Variants in CEP85L observed in about 807,000 individuals in gnomAD.
CEP85L encodes the protein centrosomal protein of 85 kDa-like.
In CEP85L, 60 loss-of-function variants were observed where a neutral mutation model predicts 100.3. That is an observed-to-expected ratio of 0.60 (90% CI 0.49 to 0.74). The LOEUF is 0.74. Ranked by LOEUF, CEP85L falls within the 30% of genes least tolerant of loss-of-function variation. The pLI is 0.00. For synonymous variants in CEP85L, 319 were observed against 322.7 expected, an observed-to-expected ratio of 0.99 and a Z score of 0.12; for missense variants, 973 against 936.2, an observed-to-expected ratio of 1.04 and a Z score of -0.51.
chr6:118,545,728 ATT>A (rs1382444277), intron 3 of CEP85L, among the ~76,000 whole-genome samples: 1 of 152,192 alleles, frequency 6.6e-6, no homozygotes, highest in African/African-American at 2.4e-5. Context: ...GTAAAAATAA[ATT>A]TGTAATTATT....
At chr6:118,515,132 A>T (rs1211005180) in intron 4 of CEP85L, among the ~76,000 whole-genome samples, 3 of 152,160 alleles carry the variant, frequency 2.0e-5, no homozygotes, top group Non-Finnish European at 2.9e-5. Flanking sequence ...AGAGCAGAGA[A>T]TATTGCCAGG....
intron 12 of CEP85L, 29 bp from the exon 13 acceptor site, chr6:118,465,597 C>T (rs779467902): frequency 6.3e-7 from 1 of 1,598,654 alleles, no homozygotes. Context: ...GAGAGAATAT[C>T]TCACATTTTT....
At chr6:118,631,585 G>A (rs141358197) in intron 2 of CEP85L, among the ~76,000 whole-genome samples, 239 of 152,192 alleles carry the variant, frequency 1.6e-3, no homozygotes, top group African/African-American at 5.4e-3. Context: ...TTTTCAATAG[G>A]TAAATGGTTA....
At chr6:118,524,187 G>A (rs544398681) in intron 3 of CEP85L, among the ~76,000 whole-genome samples, 32 of 152,202 alleles carry the variant, frequency 2.1e-4, no homozygotes, top group East Asian at 5.8e-4. Flanking sequence ...TTGGCCAGGC[G>A]CGGTGGCTCA....
intron 2 of CEP85L, among the ~76,000 whole-genome samples, chr6:118,602,258 G>A (rs761000500): frequency 2.6e-5 from 4 of 152,078 alleles, no homozygotes; most frequent in African/African-American, 9.7e-5. Flanking sequence ...TTCAACAGAA[G>A]GTAAATGTTT....
chr6:118,500,664 C>G (rs1033967965), intron 5 of CEP85L, among the ~76,000 whole-genome samples: 1 of 152,150 alleles, frequency 6.6e-6, no homozygotes, highest in African/African-American at 2.4e-5. Flanking sequence ...CTTTTATTCC[C>G]ACGTTCACCC....
chr6:118,638,778 G>A (rs2115344211), intron 1 of CEP85L, among the ~76,000 whole-genome samples: 1 of 151,876 alleles, frequency 6.6e-6, no homozygotes, highest in African/African-American at 2.4e-5. Flanking sequence ...AGTGCCTGCG[G>A]ATAACATTAA....
rs1364434712 is a variant in CEP85L at position 118,594,293 on chromosome 6, TTC to T, written c.233-27979_233-27978del. Among the ~76,000 whole-genome samples, 3 of 152,322 alleles carry T rather than the reference TTC, an allele frequency of 2.0e-5. No individual in the cohort carries two copies. The East Asian group carries it at 5.8e-4, about 29-fold the overall frequency. On this transcript the variant is annotated intron_variant, in intron 2 of 12. Coordinates refer to ENST00000368491, the MANE Select transcript of CEP85L (RefSeq NM_001042475.3). ...ACCAAATGATAACTTGTTTCTTCCT[TTC>T]TGATATATATCCACAGGATGACCTC...
At chr6:118,625,539 C>T (rs1186901041) in intron 2 of CEP85L, among the ~76,000 whole-genome samples, 9 of 152,134 alleles carry the variant, frequency 5.9e-5, no homozygotes, top group East Asian at 3.9e-4. Context: ...CCCTACAAAG[C>T]CAGCTTAATT....
At chr6:118,607,497 T>A (rs1562304480) in intron 2 of CEP85L, among the ~76,000 whole-genome samples, 1 of 152,104 alleles carries the variant, frequency 6.6e-6, no homozygotes, top group Admixed American at 6.5e-5. Flanking sequence ...ACATGCCTAA[T>A]CCTGCCACCC....
chr6:118,573,801 T>A lies in CEP85L; in HGVS notation c.233-7485A>T, dbSNP rs1780053551. Among the ~76,000 whole-genome samples the A allele has an allele frequency of 2.0e-5, 3 of 152,240 alleles. No individual in the cohort carries two copies. The South Asian group carries it at 6.2e-4, about 32-fold the overall frequency. On this transcript the variant is annotated intron_variant, in intron 2 of 12. Coordinates refer to ENST00000368491, the MANE Select transcript of CEP85L (RefSeq NM_001042475.3). The stretch of plus-strand genomic sequence containing the variant: ...GATAGCCACAGGCAAAAGAATAAAG[T>A]TAGACCCCTATTTCATAGCACCCAT...
chr6:118,588,142 G>A (rs529206462), intron 2 of CEP85L, among the ~76,000 whole-genome samples: 5 of 152,232 alleles, frequency 3.3e-5, no homozygotes, highest in African/African-American at 7.2e-5. Flanking sequence ...TGAATACATC[G>A]GACAAAGGGA....
chr6:118,482,031 C>CAA, intron 7 of CEP85L, 98 bp from the exon 8 acceptor site: 1 of 372,620 alleles, frequency 2.7e-6, no homozygotes, highest in Non-Finnish European at 4.0e-6. Flanking sequence ...AGACTTGTAG[C>CAA]TAAAAAAAAA....
At chr6:118,620,869 CT>C in intron 2 of CEP85L, among the ~76,000 whole-genome samples, 1 of 152,188 alleles carries the variant, frequency 6.6e-6, no homozygotes, top group Non-Finnish European at 1.5e-5. Flanking sequence ...TCACGTCTTT[CT>C]TATCATGCCT....
rs374497788 is a variant in CEP85L, at chr6:118,511,322, C to G, written c.1233G>C (p.Glu411Asp). 6.2e-7 allele frequency: 1 copy of G among 1,611,990 alleles called. No individual in the cohort carries two copies. The highest frequency in any genetic ancestry group is 1.3e-5 in the African/African-American group (1 of 74,854). ...CCTGCAAACTAGCCACATAAGAATC[C>G]TCACAATTTACATAATGTCCTAACA... ...HAMLGHYVNC[E>D]DSYVASLQPQ... The change falls in exon 5 of 13, where the codon GAG becomes GAC. Residue 411 changes from glutamate to aspartate, a missense_variant. Glu to Asp is a conservative substitution (Grantham distance 45, BLOSUM62 2). This residue lies in a region of CEP85L where 890 missense variants were observed against 844.5 expected (regional missense o/e 1.05). Coordinates refer to ENST00000368491, the MANE Select transcript of CEP85L (RefSeq NM_001042475.3).
intron 1 of CEP85L, among the ~76,000 whole-genome samples, chr6:118,657,921 T>G (rs2115401011): frequency 6.6e-6 from 1 of 152,362 alleles, no homozygotes; most frequent in African/African-American, 2.4e-5. Context: ...TCCTTACTTC[T>G]GGGTACTAGA....
At chr6:118,559,168 C>A in intron 3 of CEP85L, 1 of 945,118 alleles carries the variant, frequency 1.1e-6, no homozygotes, top group Non-Finnish European at 1.8e-6. Flanking sequence ...TATTGTATAA[C>A]AGACCACTTC....
chr6:118,465,471 A>T lies in CEP85L; in HGVS notation c.2352T>A (p.Asp784Glu), dbSNP rs1051872131. The T allele has an allele frequency of 9.3e-6, 15 of 1,613,596 alleles. No homozygotes were observed. Among genetic ancestry groups the T allele is most frequent in the Non-Finnish European group, 1.3e-5 (15 of 1,179,694 alleles). The change falls in exon 13 of 13, where the codon GAT becomes GAA. Residue 784 changes from aspartate to glutamate, a missense_variant. Asp to Glu is a conservative substitution (Grantham distance 45). Coordinates refer to ENST00000368491, the MANE Select transcript of CEP85L (RefSeq NM_001042475.3). The part of the protein sequence containing the change: ...SDVCQLRRDI[D>E]ELRTTISDRY... ...GGTCTGATATTGTAGTCCTTAATTC[A>T]TCAATGTCTCTTCGTAACTGGCACA...
chr6:118,572,343 C>A (rs889749362), intron 2 of CEP85L, among the ~76,000 whole-genome samples: 1 of 144,382 alleles, frequency 6.9e-6, no homozygotes, highest in Non-Finnish European at 1.5e-5. Context: ...GTGACGAGGT[C>A]AAGATATCAA....
Sources: gnomAD v4.1 joint callset for allele counts (sites outside exome capture counted in the v4.1 genomes callset) on GRCh38, gnomAD v4.1.1 for gene constraint, gnomAD v4.1.1 regional missense constraint, MANE v1.5 for transcripts, NCBI Gene and HGNC (gene_info 2026-07-23, HGNC 2026-07-21) for gene names.